Variants in PDE11A observed in about 807,000 individuals in gnomAD.
PDE11A encodes the protein phosphodiesterase 11A.
Under a neutral mutation model 100.5 loss-of-function variants are expected in PDE11A, and 100 were observed. That is an observed-to-expected ratio of 1.00 (90% CI 0.85 to 1.18). PDE11A has a LOEUF of 1.18. Among genes scored for constraint, PDE11A ranks in the 50% most tolerant of loss-of-function variants. The probability of loss-of-function intolerance (pLI) is 0.00; values close to 1 mark genes in which losing one functional copy is unlikely to be tolerated. For missense variants in PDE11A, 1,141 were observed against 1,152.6 expected (o/e 0.99, Z 0.15); for synonymous variants, 381 against 420.8 (o/e 0.91, Z 1.16).
At chr2:178,001,308 GT>G (rs557805933) in intron 2 of PDE11A, among the ~76,000 whole-genome samples, 1 of 151,444 alleles carries the variant, frequency 6.6e-6, no homozygotes, top group Non-Finnish European at 1.5e-5. Context: ...GTGTGTGTGT[GT>G]GTAGTAGGTT....
chr2:177,706,627 G>A (rs2081283811), intron 13 of PDE11A, among the ~76,000 whole-genome samples: 1 of 152,192 alleles, frequency 6.6e-6, no homozygotes, highest in African/African-American at 2.4e-5. Flanking sequence ...TTGGGTAATG[G>A]TGGCATTAAG....
chr2:177,980,893 C>A (rs1344306737), intron 2 of PDE11A, among the ~76,000 whole-genome samples: 2 of 41,444 alleles, frequency 4.8e-5, no homozygotes, highest in African/African-American at 7.9e-4. Flanking sequence ...AAGAGCAATT[C>A]TTTAAATAGA....
At chr2:177,761,876 A>G (rs1376590810) in intron 10 of PDE11A, among the ~76,000 whole-genome samples, 1 of 152,236 alleles carries the variant, frequency 6.6e-6, no homozygotes, top group African/African-American at 2.4e-5. Context: ...TGTCCAATTA[A>G]ATAATTCGAA....
chr2:177,957,735 C>A (rs1039298916), intron 2 of PDE11A, among the ~76,000 whole-genome samples: 1 of 151,984 alleles, frequency 6.6e-6, no homozygotes, highest in Admixed American at 6.6e-5. Context: ...AAATAGTATT[C>A]TTTTTATGAT....
At chr2:178,038,052 C>A (rs1217726207) in intron 1 of PDE11A, among the ~76,000 whole-genome samples, 1 of 151,678 alleles carries the variant, frequency 6.6e-6, no homozygotes, top group Non-Finnish European at 1.5e-5. Flanking sequence ...AAAAAAATTG[C>A]TAAGGGTTAT....
chr2:177,755,949 G>C (rs1272188659), intron 10 of PDE11A, among the ~76,000 whole-genome samples: 1 of 152,238 alleles, frequency 6.6e-6, no homozygotes. Flanking sequence ...GGTAGCAGAT[G>C]GTTTTGCAGG....
chr2:177,779,196 T>G (rs2082419262), intron 9 of PDE11A, among the ~76,000 whole-genome samples: 1 of 152,206 alleles, frequency 6.6e-6, no homozygotes, highest in Admixed American at 6.6e-5. Context: ...TGCACATACC[T>G]TAATTTAAAA....
At chr2:177,987,431 T>C (rs2105807401) in intron 2 of PDE11A, among the ~76,000 whole-genome samples, 1 of 152,316 alleles carries the variant, frequency 6.6e-6, no homozygotes, top group East Asian at 1.9e-4. Context: ...CTTATTGAAA[T>C]GTTTAACTTT....
At chr2:177,858,907 T>G (rs1012692996) in intron 5 of PDE11A, among the ~76,000 whole-genome samples, 1 of 152,118 alleles carries the variant, frequency 6.6e-6, no homozygotes, top group East Asian at 1.9e-4. Flanking sequence ...CATGGAATAC[T>G]ATGCAGCCAT....
chr2:177,864,731 A>G (rs926988063), intron 5 of PDE11A, among the ~76,000 whole-genome samples: 2 of 152,198 alleles, frequency 1.3e-5, no homozygotes, highest in Non-Finnish European at 2.9e-5. Flanking sequence ...TAGATCCAAA[A>G]TGATCTTAAG....
Position 177,933,736 on chromosome 2 carries a change from T to A in PDE11A, c.1072-28549A>T, listed in dbSNP as rs1034788238. The stretch of plus-strand genomic sequence containing the variant: ...ATTACTCAACTTCACACTATCAGAC[T>A]ATACTACAAGGCTATAGTAATCAAA... On this transcript the variant is annotated intron_variant, in intron 2 of 19. Coordinates refer to ENST00000286063, the MANE Select transcript of PDE11A (RefSeq NM_016953.4). Among the ~76,000 whole-genome samples, 4 of 152,062 alleles carry A rather than the reference T, an allele frequency of 2.6e-5. No individual in the cohort carries two copies. In the East Asian group the frequency reaches 7.7e-4, roughly 29 times the overall value.
chr2:177,859,411 AAAAG>A (rs1340118324), intron 5 of PDE11A, among the ~76,000 whole-genome samples: 3 of 151,968 alleles, frequency 2.0e-5, no homozygotes, highest in Non-Finnish European at 4.4e-5. Flanking sequence ...TGATATTAAA[AAAAG>A]AAAAATAACA....
rs1056401737 is a variant in PDE11A at position 177,623,758 on chromosome 2, A to G, written c.*5649T>C. The G allele has an allele frequency of 4.2e-5, 2 of 47,564 alleles. No individual in the cohort carries two copies. The highest frequency in any genetic ancestry group is 1.4e-4 in the African/African-American group (2 of 13,830). The allele number at this position is 47,564 out of a possible 1,614,324, so 2.9% of individuals were successfully genotyped here. ...ACTTAATAAAAAAACACATTTGTGT[A>G]CTAGCGTATACAAAAATGACATTGG... On this transcript the variant is annotated 3_prime_UTR_variant, in exon 20 of 20. Coordinates refer to ENST00000286063, the MANE Select transcript of PDE11A (RefSeq NM_016953.4).
chr2:177,652,520 G>A (rs2080326021), intron 19 of PDE11A, among the ~76,000 whole-genome samples: 1 of 152,172 alleles, frequency 6.6e-6, no homozygotes, highest in Non-Finnish European at 1.5e-5. Context: ...TGTAGTAAGG[G>A]GGAGGGAGGG....
At chr2:177,721,976 A>G (rs1190664187) in intron 12 of PDE11A, among the ~76,000 whole-genome samples, 3 of 152,150 alleles carry the variant, frequency 2.0e-5, no homozygotes, top group African/African-American at 7.2e-5. Context: ...AAGTGCCACT[A>G]GGAAATCATA....
intron 2 of PDE11A, among the ~76,000 whole-genome samples, chr2:177,957,046 TATAATA>T (rs1446723289): frequency 1.3e-5 from 2 of 148,528 alleles, no homozygotes; most frequent in African/African-American, 5.0e-5. Context: ...AAACTTAAAG[TATAATA>T]ATAATAAAAT....
At chr2:177,865,604 C>A (rs2084014970) in intron 5 of PDE11A, among the ~76,000 whole-genome samples, 1 of 152,044 alleles carries the variant, frequency 6.6e-6, no homozygotes, top group Non-Finnish European at 1.5e-5. Context: ...AAAGTAGAAA[C>A]AACATCATCA....
intron 15 of PDE11A, among the ~76,000 whole-genome samples, chr2:177,689,528 A>G (rs111612506): frequency 6.6e-6 from 1 of 152,302 alleles, no homozygotes; most frequent in African/African-American, 2.4e-5. Context: ...TGTTACATGC[A>G]GATTCTAGAG....
At chr2:177,920,813 A>G (rs957360457) in intron 2 of PDE11A, among the ~76,000 whole-genome samples, 1 of 152,192 alleles carries the variant, frequency 6.6e-6, no homozygotes, top group African/African-American at 2.4e-5. Flanking sequence ...CTGTAATCCC[A>G]GAACTTTGGG....
Sources: gnomAD v4.1 joint callset for allele counts (sites outside exome capture counted in the v4.1 genomes callset) on GRCh38, gnomAD v4.1.1 for gene constraint, MANE v1.5 for transcripts, NCBI Gene and HGNC (gene_info 2026-07-23, HGNC 2026-07-21) for gene names.